The following PCDH15 variants were observed in gnomAD, a reference collection of about 807,000 sequenced individuals.
PCDH15 encodes protocadherin-15.
PCDH15 carries 129 observed loss-of-function variants against 178.5 expected under a neutral mutation model. That is an observed-to-expected ratio of 0.72 (90% CI 0.63 to 0.84). The LOEUF is 0.84. PCDH15 is among the 40% of genes least tolerant of loss of function. The probability of loss-of-function intolerance (pLI) is 0.00; values close to 1 mark genes in which losing one functional copy is unlikely to be tolerated. For missense variants in PCDH15, 2,230 were observed against 2,099.9 expected (o/e 1.06, Z -1.21); for synonymous variants, 800 against 732.0 (o/e 1.09, Z -1.50).
At chr10:54,192,833 A>G (rs963865762) in intron 11 of PCDH15, among the ~76,000 whole-genome samples, 1 of 152,170 alleles carries the variant, frequency 6.6e-6, no homozygotes, top group African/African-American at 2.4e-5. Flanking sequence ...GAAGCATGCC[A>G]CCCTCCATGT....
intron 2 of PCDH15, among the ~76,000 whole-genome samples, chr10:55,564,491 A>G (rs192455854): frequency 1.9e-3 from 291 of 151,880 alleles, no homozygotes; most frequent in Middle Eastern, 6.8e-3. Flanking sequence ...TAACAAAATG[A>G]CAGTTACAGT....
chr10:54,166,667 C>T (rs1031409398), intron 13 of PCDH15, among the ~76,000 whole-genome samples: 10 of 152,168 alleles, frequency 6.6e-5, no homozygotes, highest in Non-Finnish European at 7.3e-5. Context: ...TATGCTTGGA[C>T]ATTATAACTG....
At chr10:54,336,518 G>T (rs1340910033) in intron 6 of PCDH15, among the ~76,000 whole-genome samples, 1 of 152,172 alleles carries the variant, frequency 6.6e-6, no homozygotes, top group Non-Finnish European at 1.5e-5. Context: ...AAGGAGTGAA[G>T]ACATAGCTCA....
chr10:55,144,709 C>T (rs994829859), intron 2 of PCDH15, among the ~76,000 whole-genome samples: 1 of 152,004 alleles, frequency 6.6e-6, no homozygotes, highest in Non-Finnish European at 1.5e-5. Flanking sequence ...TGGTATGATC[C>T]AAATCTGTGG....
Position 54,006,646 on chromosome 10 carries a change from T to C in PCDH15, c.2752-10881A>G, listed in dbSNP as rs190941107. 5.9e-5 allele frequency among the ~76,000 whole-genome samples: 9 copies of C among 152,276 alleles called. 1 individual carries two copies. Among genetic ancestry groups the C allele is most frequent in the Admixed American group, 5.9e-4 (9 of 15,288 alleles). On this transcript the variant is annotated intron_variant, in intron 20 of 37. Transcript: ENST00000644397. Reference sequence around the variant, plus strand: ...GTAACTGCCTCTCAGGTGTCCACGGTTTCACAAATGCTGCCTTGGTACTGG... The same window carrying C: ...GTAACTGCCTCTCAGGTGTCCACGGCTTCACAAATGCTGCCTTGGTACTGG...
intron 2 of PCDH15, among the ~76,000 whole-genome samples, chr10:54,536,983 G>GAACA (rs2084608807): frequency 6.8e-6 from 1 of 147,058 alleles, no homozygotes. Flanking sequence ...CTATTTGGTG[G>GAACA]AACAATTTGT....
chr10:55,248,581 T>C (rs1284776770), intron 1 of PCDH15, among the ~76,000 whole-genome samples: 2 of 151,818 alleles, frequency 1.3e-5, no homozygotes, highest in Non-Finnish European at 2.9e-5. Flanking sequence ...AAATGTCCCC[T>C]TTTTTTTGAG....
chr10:54,873,695 T>TTTTATATATA (rs1554809277), intron 3 of PCDH15, among the ~76,000 whole-genome samples: 60 of 138,916 alleles, frequency 4.3e-4, no homozygotes, highest in Admixed American at 1.9e-3. Context: ...CTGCTGTATT[T>TTTTATATATA]TATATATATA....
At chr10:55,113,322 C>T (rs922355642) in intron 2 of PCDH15, among the ~76,000 whole-genome samples, 3 of 151,712 alleles carry the variant, frequency 2.0e-5, no homozygotes, top group Admixed American at 6.6e-5. Context: ...ATGCAAGACA[C>T]TATACTTAGT....
intron 8 of PCDH15, among the ~76,000 whole-genome samples, chr10:54,242,896 A>T (rs2055557368): frequency 6.6e-6 from 1 of 152,120 alleles, no homozygotes; most frequent in African/African-American, 2.4e-5. Flanking sequence ...TAAAAGCCAA[A>T]CTTTGATGTA....
intron 2 of PCDH15, among the ~76,000 whole-genome samples, chr10:55,355,549 T>G (rs974971002): frequency 2.6e-5 from 4 of 151,968 alleles, no homozygotes; most frequent in African/African-American, 9.7e-5. Context: ...CTGGGTTAAG[T>G]GTCCCAGGTC....
chr10:55,568,764 T>C (rs549270950), intron 2 of PCDH15, among the ~76,000 whole-genome samples: 3 of 152,154 alleles, frequency 2.0e-5, no homozygotes, highest in African/African-American at 7.2e-5. Context: ...ATGTAATTTT[T>C]TGAGTCATCT....
At chr10:54,041,138 A>G (rs961074752) in intron 18 of PCDH15, among the ~76,000 whole-genome samples, 6 of 152,132 alleles carry the variant, frequency 3.9e-5, no homozygotes, top group African/African-American at 1.4e-4. Flanking sequence ...GCAGTGCCAC[A>G]TACCAGTTAG....
chr10:54,602,688 T>C (rs1351402541), intron 2 of PCDH15, among the ~76,000 whole-genome samples: 1 of 152,022 alleles, frequency 6.6e-6, no homozygotes, highest in Admixed American at 6.6e-5. Context: ...AGGTATTAAA[T>C]TTGACAAATA....
intron 2 of PCDH15, among the ~76,000 whole-genome samples, chr10:55,410,155 A>G (rs2132034145): frequency 6.6e-6 from 1 of 152,162 alleles, no homozygotes; most frequent in East Asian, 1.9e-4. Context: ...ACTTACATAA[A>G]TGTTTGTTTT....
At position 55,103,810 on chromosome 10, in the gene PCDH15, T is replaced by C. The variant is rs150674084; in HGVS notation, c.-80+62766A>G. ...GACCACTTGAATGTCTTTTGGGTTTTAACTCATGGGGTTCTGGGTGGCCAG... is the reference window on the plus strand; with the variant it reads ...GACCACTTGAATGTCTTTTGGGTTTCAACTCATGGGGTTCTGGGTGGCCAG... On this transcript the variant is annotated intron_variant, in intron 2 of 5. Coordinates refer to the PCDH15 transcript ENST00000458638. Among the ~76,000 whole-genome samples the C allele has an allele frequency of 5.9e-5, 9 of 152,272 alleles. No individual in the cohort carries two copies. In the East Asian group the frequency reaches 1.7e-3, roughly 29 times the overall value.
intron 2 of PCDH15, among the ~76,000 whole-genome samples, chr10:55,519,093 C>CAAAAAAAAAAAAA (rs33942260): frequency 1.5e-5 from 1 of 66,190 alleles, no homozygotes; most frequent in Non-Finnish European, 2.6e-5. Flanking sequence ...GATTTCGTCT[C>CAAAAAAAAAAAAA]AAAAAAAAAA....
intron 3 of PCDH15, among the ~76,000 whole-genome samples, chr10:54,890,163 A>G (rs1954433950): frequency 6.6e-6 from 1 of 151,994 alleles, no homozygotes; most frequent in Non-Finnish European, 1.5e-5. Context: ...ATAGGTGACT[A>G]TGAATCCTTA....
At chr10:55,430,580 A>C (rs542734277) in intron 2 of PCDH15, among the ~76,000 whole-genome samples, 32 of 151,986 alleles carry the variant, frequency 2.1e-4, no homozygotes, top group Non-Finnish European at 4.3e-4. Flanking sequence ...AGAAGAAGTG[A>C]TTTTCTGTTT....
Sources: gnomAD v4.1 joint callset for allele counts (sites outside exome capture counted in the v4.1 genomes callset) on GRCh38, gnomAD v4.1.1 for gene constraint, MANE v1.5 for transcripts, NCBI Gene and HGNC (gene_info 2026-07-23, HGNC 2026-07-21) for gene names.